Variants in LIG4 observed in about 807,000 individuals in gnomAD.
The protein encoded by LIG4 is DNA joinase.
In LIG4, 13 loss-of-function variants were observed where a neutral mutation model predicts 19.0. The ratio of observed to expected loss-of-function variants is 0.68; its 90% CI spans 0.44 to 1.09. The LOEUF is 1.09. LIG4 is among the 50% of genes least tolerant of loss of function. The probability of loss-of-function intolerance (pLI) is 0.00; values close to 1 mark genes in which losing one functional copy is unlikely to be tolerated. For synonymous variants in LIG4, 361 were observed against 358.2 expected (o/e 1.01, Z -0.09); for missense variants, 1,026 against 1,089.7 (o/e 0.94, Z 0.82).
In LIG4 at chr13:108,209,812, GCA is replaced by G. The variant is rs1878412420; in HGVS notation, c.1455_1456del (p.Ala486SerfsTer9). On this transcript the variant is annotated frameshift_variant, in exon 3 of 3. Transcript: ENST00000442234. LOFTEE classifies it low-confidence loss of function (END_TRUNC). ...ACCAGGAGGGGGCTTCTCTGCTACTGCACACAGAAAATGAGACATCATTCCAC... is the reference window on the plus strand; with the variant it reads ...ACCAGGAGGGGGCTTCTCTGCTACTGCACAGAAAATGAGACATCATTCCAC... The G allele has an allele frequency of 6.2e-7, 1 of 1,613,936 alleles. No individual in the cohort carries two copies. Among genetic ancestry groups the G allele is most frequent in the Admixed American group, 1.7e-5 (1 of 59,996 alleles).
At chr13:108,212,645 A>G (rs1170525708) in intron 2 of LIG4, among the ~76,000 whole-genome samples, 20 of 151,770 alleles carry the variant, frequency 1.3e-4, no homozygotes, top group Non-Finnish European at 4.4e-5. Context: ...ATTACAGTGC[A>G]GAAAATATGT....
Position 108,210,727 on chromosome 13 carries a change from A to C in LIG4, c.542T>G (p.Leu181Arg). Residue 181 changes from leucine to arginine, a missense_variant, in exon 3 of 3, where the codon CTT becomes CGT. Transcript: ENST00000442234. ...LLQLITQSSA[L>R]EQKWLIRMII... ...CATCCGTATAAGCCACTTTTGCTCA[A>C]GTGCTGAACTCTGAGTTATAAGTTG... 6.2e-7 allele frequency: 1 copy of C among 1,614,020 alleles called. No individual in the cohort carries two copies. Among genetic ancestry groups the C allele is most frequent in the Non-Finnish European group, 8.5e-7 (1 of 1,179,976 alleles).
upstream of LIG4, among the ~76,000 whole-genome samples, chr13:108,216,190 C>G (rs923142230): frequency 1.3e-5 from 2 of 152,084 alleles, no homozygotes; most frequent in Admixed American, 1.3e-4. Context: ...AGTAATGGTG[C>G]TAGATATTCA....
chr13:108,209,555 T>C lies in LIG4; in HGVS notation c.1714A>G (p.Thr572Ala). ...AEIVPSDMYK[T>A]GCTLRFPRIE... ...CGTGGAAAACGCAAGGTGCAGCCAG[T>C]TTTATACATATCACTGGGTACGATC... The change falls in exon 3 of 3, where the codon ACT becomes GCT. Residue 572 changes from threonine to alanine, a missense_variant. Around this residue, in one of 3 missense-constraint regions of LIG4, gnomAD observed 521 missense variants for 515.5 expected, o/e 1.01. Transcript: ENST00000442234. 1 of 1,614,082 alleles carries C rather than the reference T, an allele frequency of 6.2e-7. No individual in the cohort carries two copies.
At position 108,215,525 on chromosome 13, in the gene LIG4, G is replaced by C. The variant is rs1354100088; in HGVS notation, c.-143C>G. The stretch of plus-strand genomic sequence containing the variant: ...AGCTCAGCCGCTAAGCCGGAAGCTG[G>C]CGCCAGAAGATGCCGGTTCCGCCAG... On this transcript the variant is annotated 5_prime_UTR_variant, in exon 1 of 3. Coordinates refer to ENST00000442234, the MANE Select transcript of LIG4 (RefSeq NM_206937.2). The C allele has an allele frequency of 7.0e-6, 1 of 143,276 alleles. No individual in the cohort carries two copies. Among genetic ancestry groups the C allele is most frequent in the East Asian group, 2.2e-4 (1 of 4,562 alleles). The allele number at this position is 143,276 out of a possible 1,614,324, so 8.9% of individuals were successfully genotyped here. A position where few individuals can be genotyped will look rare whatever the true frequency, so the allele number is the denominator to read the frequency against.
At position 108,209,299 on chromosome 13, in the gene LIG4, T is replaced by C. The variant is rs754160528; in HGVS notation, c.1970A>G (p.Asn657Ser). 6.2e-7 allele frequency: 1 copy of C among 1,614,092 alleles called. No homozygotes were observed. The highest frequency in any genetic ancestry group is 1.1e-5 in the South Asian group (1 of 91,078). Reference protein sequence around the residue: ...PNLTNVNKISNIFEDVEFCVM... With the variant: ...PNLTNVNKISSIFEDVEFCVM... ...ACAAAACTCTACATCTTCAAATATATTAGAAATTTTGTTAACGTTAGTAAG... is the reference window on the plus strand; with the variant it reads ...ACAAAACTCTACATCTTCAAATATACTAGAAATTTTGTTAACGTTAGTAAG... Residue 657 changes from asparagine to serine, a missense_variant, in exon 3 of 3, where the codon AAT becomes AGT. Asn to Ser is a conservative substitution (Grantham distance 46, BLOSUM62 1). Coordinates refer to ENST00000442234, the MANE Select transcript of LIG4 (RefSeq NM_206937.2).
rs774699419 is a variant in LIG4, at chr13:108,209,564, T to C, written c.1705A>G (p.Met569Val). 195 of 1,614,012 alleles carry C rather than the reference T, an allele frequency of 1.2e-4. No homozygotes were observed. Among genetic ancestry groups the C allele is most frequent in the Admixed American group, 1.8e-4 (11 of 60,000 alleles). Residue 569 changes from methionine to valine, a missense_variant, in exon 3 of 3, where the codon ATG (methionine) becomes GTG (valine). Around this residue, in one of 3 missense-constraint regions of LIG4, gnomAD observed 521 missense variants for 515.5 expected, o/e 1.01. Transcript: ENST00000442234. The part of the protein sequence containing the change: ...IKAAEIVPSD[M>V]YKTGCTLRFP... ...CGCAAGGTGCAGCCAGTTTTATACATATCACTGGGTACGATCTCTGCTGCT... is the reference window on the plus strand; with the variant it reads ...CGCAAGGTGCAGCCAGTTTTATACACATCACTGGGTACGATCTCTGCTGCT...
At position 108,209,952 on chromosome 13, in the gene LIG4, C is replaced by T; in HGVS notation, c.1317G>A (p.Lys439=). The change falls in exon 3 of 3, where the codon AAG becomes AAA. Residue 439 remains lysine (K), a synonymous_variant. Transcript: ENST00000442234. ...ACCACCCTTCACCTCTTTTGTCTGG[C>T]TTGTAGATGGATAGAGGTTGTTTTA... ...IMVKQPLSIY[K]PDKRGEGWLK... The T allele has an allele frequency of 1.2e-6, 2 of 1,613,816 alleles. No individual in the cohort carries two copies. Among genetic ancestry groups the T allele is most frequent in the East Asian group, 2.2e-5 (1 of 44,888 alleles).
Position 108,209,792 on chromosome 13 carries a change from G to A in LIG4, c.1477C>T (p.Pro493Ser), listed in dbSNP as rs1042209516. The change falls in exon 3 of 3, where the codon CCT becomes TCT. Residue 493 changes from proline (P) to serine (S), a missense_variant. Transcript: ENST00000442234. Reference protein sequence around the residue: ...FLCAVAEKPPPGEKPSVFHTL... With the variant: ...FLCAVAEKPPSGEKPSVFHTL... ...TGAAACACAGATGGCTTCTCACCAGGAGGGGGCTTCTCTGCTACTGCACAC... is the reference window on the plus strand; with the variant it reads ...TGAAACACAGATGGCTTCTCACCAGAAGGGGGCTTCTCTGCTACTGCACAC... The A allele has an allele frequency of 5.0e-6, 8 of 1,614,086 alleles. No homozygotes were observed. The highest frequency in any genetic ancestry group is 3.3e-5 in the Admixed American group (2 of 60,022).
Position 108,209,164 on chromosome 13 carries a change from G to C in LIG4, c.2105C>G (p.Ala702Gly), listed in dbSNP as rs1409313411. The C allele has an allele frequency of 2.5e-6, 4 of 1,614,004 alleles. No individual in the cohort carries two copies. The highest frequency in any genetic ancestry group is 3.3e-5 in the Admixed American group (2 of 59,994). ...TTTCACTCTGATGTTCTCAGACCCTGCAATTACACAGTACGTGTCTGGGCC... is the reference window on the plus strand; with the variant it reads ...TTTCACTCTGATGTTCTCAGACCCTCCAATTACACAGTACGTGTCTGGGCC... ...NPGPDTYCVI[A>G]GSENIRVKNI... The change falls in exon 3 of 3, where the codon GCA (alanine) becomes GGA (glycine). Residue 702 changes from alanine to glycine, a missense_variant. Coordinates refer to ENST00000442234, the MANE Select transcript of LIG4 (RefSeq NM_206937.2).
At chr13:108,216,102 A>G (rs1879276548), upstream of LIG4, among the ~76,000 whole-genome samples, 1 of 152,216 alleles carries the variant, frequency 6.6e-6, no homozygotes, top group African/African-American at 2.4e-5. Flanking sequence ...GAAATCAACT[A>G]TGGACTCTTC....
At position 108,210,762 on chromosome 13, in the gene LIG4, C is replaced by T. The variant is rs1265921681; in HGVS notation, c.507G>A (p.Lys169=). The T allele has an allele frequency of 1.2e-6, 2 of 1,613,852 alleles. No individual in the cohort carries two copies. The highest frequency in any genetic ancestry group is 2.2e-5 in the East Asian group (1 of 44,884). Residue 169 remains lysine, a synonymous_variant, in exon 3 of 3, where the codon AAG becomes AAA. Transcript: ENST00000442234. ...NSAKRKDLIK[K]SLLQLITQSS... ...TCTGAGTTATAAGTTGAAGAAGGCT[C>T]TTTTTTATTAGGTCTTTTCTTTTAG...
At position 108,208,714 on chromosome 13, in the gene LIG4, A is replaced by G. The variant is rs1291547131; in HGVS notation, c.2555T>C (p.Val852Ala). Residue 852 changes from valine (V) to alanine (A), a missense_variant, in exon 3 of 3, where the codon GTA becomes GCA. Val to Ala is a moderately conservative substitution (Grantham distance 64, BLOSUM62 0). Coordinates refer to ENST00000442234, the MANE Select transcript of LIG4 (RefSeq NM_206937.2). Reference sequence around the variant, plus strand: ...CACTCCCTCAGCTAAACAAGAAACTACTTTTGCTCCATGAAACCGAAGCTC... The same window carrying G: ...CACTCCCTCAGCTAAACAAGAAACTGCTTTTGCTCCATGAAACCGAAGCTC... Reference protein sequence around the residue: ...ALELRFHGAKVVSCLAEGVSH... With the variant: ...ALELRFHGAKAVSCLAEGVSH... 1 of 1,614,042 alleles carries G rather than the reference A, an allele frequency of 6.2e-7. No individual in the cohort carries two copies. The highest frequency in any genetic ancestry group is 1.7e-5 in the Admixed American group (1 of 59,998).
Position 108,211,051 on chromosome 13 carries a change from G to A in LIG4, c.218C>T (p.Pro73Leu), listed in dbSNP as rs1361562028. The change falls in exon 3 of 3, where the codon CCT (proline) becomes CTT (leucine). Residue 73 changes from proline (P) to leucine (L), a missense_variant. Around this residue, in one of 3 missense-constraint regions of LIG4, gnomAD observed 493 missense variants for 544.5 expected, o/e 0.91. Transcript: ENST00000442234. ...GGCCATTCTCTCTCTTTCTAGCTGA[G>A]GAAGAATTAGTCTCATTGCTGGATA... ...SFYPAMRLIL[P>L]QLERERMAYG... 6.2e-7 allele frequency: 1 copy of A among 1,601,528 alleles called. No homozygotes were observed. The highest frequency in any genetic ancestry group is 8.5e-7 in the Non-Finnish European group (1 of 1,174,564).
intron 2 of LIG4, among the ~76,000 whole-genome samples, chr13:108,211,829 G>A (rs1484475919): frequency 6.6e-6 from 1 of 152,052 alleles, no homozygotes; most frequent in Non-Finnish European, 1.5e-5. Flanking sequence ...CCTAATCATA[G>A]GCAGGGCCCT....
chr13:108,216,406 TA>T (rs1879292945), upstream of LIG4, among the ~76,000 whole-genome samples: 1 of 152,246 alleles, frequency 6.6e-6, no homozygotes, highest in Non-Finnish European at 1.5e-5. Flanking sequence ...TGGGCCCTGA[TA>T]AAACATATTA....
Position 108,208,272 on chromosome 13 carries a change from A to G in LIG4, c.*261T>C, listed in dbSNP as rs1168329798. 6 of 311,684 alleles carry G rather than the reference A, an allele frequency of 1.9e-5. No homozygotes were observed. In the Admixed American group the frequency reaches 2.8e-4, roughly 15 times the overall value. The allele number at this position is 311,684 out of a possible 1,614,324, so 19.3% of individuals were successfully genotyped here. On this transcript the variant is annotated 3_prime_UTR_variant, in exon 3 of 3. Transcript: ENST00000442234. ...ATTTCTATATGGATATTATAAAAAC[A>G]CCTCTTCTTTAGACTGTTTATTTCA...
chr13:108,208,765 C>G lies in LIG4; in HGVS notation c.2504G>C (p.Gly835Ala), dbSNP rs1878206165. 6.2e-7 allele frequency: 1 copy of G among 1,614,090 alleles called. No homozygotes were observed. Among genetic ancestry groups the G allele is most frequent in the Non-Finnish European group, 8.5e-7 (1 of 1,180,006 alleles). The change falls in exon 3 of 3, where the codon GGG becomes GCG. Residue 835 changes from glycine to alanine, a missense_variant. Coordinates refer to ENST00000442234, the MANE Select transcript of LIG4 (RefSeq NM_206937.2). ...VINDLSTKNE[G>A]TRLAIKALEL... is the part of the protein sequence containing the mutation. Reference sequence around the variant, plus strand: ...CAAGGCTTTAATAGCTAACCTTGTCCCCTCATTTTTGGTACTCAGGTCATT... The same window carrying G: ...CAAGGCTTTAATAGCTAACCTTGTCGCCTCATTTTTGGTACTCAGGTCATT...
At position 108,209,178 on chromosome 13, in the gene LIG4, C is replaced by A; in HGVS notation, c.2091G>T (p.Thr697=). 1 of 1,614,146 alleles carries A rather than the reference C, an allele frequency of 6.2e-7. No individual in the cohort carries two copies. Among genetic ancestry groups the A allele is most frequent in the Non-Finnish European group, 8.5e-7 (1 of 1,180,030 alleles). Reference sequence around the variant, plus strand: ...TCTCAGACCCTGCAATTACACAGTACGTGTCTGGGCCTGGATTTTGTACTA... The same window carrying A: ...TCTCAGACCCTGCAATTACACAGTAAGTGTCTGGGCCTGGATTTTGTACTA... The part of the protein sequence containing the change: ...GYIVQNPGPD[T]YCVIAGSENI... The change falls in exon 3 of 3, where the codon ACG becomes ACT. Residue 697 remains threonine (T), a synonymous_variant. Coordinates refer to ENST00000442234, the MANE Select transcript of LIG4 (RefSeq NM_206937.2).
Sources: gnomAD v4.1 joint callset for allele counts (sites outside exome capture counted in the v4.1 genomes callset) on GRCh38, gnomAD v4.1.1 for gene constraint, gnomAD v4.1.1 regional missense constraint, MANE v1.5 for transcripts, NCBI Gene and HGNC (gene_info 2026-07-23, HGNC 2026-07-21) for gene names.